RASGRF2: variants seen among roughly 807,000 people sequenced by gnomAD.
The protein encoded by RASGRF2 is Ras protein specific guanine nucleotide releasing factor 2.
Under a neutral mutation model 151.0 loss-of-function variants are expected in RASGRF2, and 76 were observed. That is an observed-to-expected ratio of 0.50 (90% CI 0.42 to 0.61). The LOEUF (loss-of-function observed/expected upper bound fraction) is 0.61. RASGRF2 is among the 20% of genes least tolerant of loss of function. The pLI, the probability that RASGRF2 is intolerant of heterozygous loss-of-function variation, is 0.00. For missense variants in RASGRF2, 1,148 were observed against 1,564.6 expected (o/e 0.73, Z 4.49); for synonymous variants, 504 against 566.5 (o/e 0.89, Z 1.57).
chr5:81,099,591 T>C (rs569969160), intron 12 of RASGRF2, among the ~76,000 whole-genome samples: 2 of 152,348 alleles, frequency 1.3e-5, no homozygotes, highest in East Asian at 3.9e-4. Flanking sequence ...ATGTAAGTTA[T>C]AATTTCACTA....
intron 17 of RASGRF2, among the ~76,000 whole-genome samples, chr5:81,172,704 C>T (rs999184676): frequency 2.0e-5 from 3 of 152,136 alleles, no homozygotes; most frequent in African/African-American, 7.2e-5. Context: ...CTTACCACCC[C>T]TTATCCCTAC....
At chr5:80,963,185 C>G (rs1382102555) in intron 1 of RASGRF2, among the ~76,000 whole-genome samples, 3 of 152,198 alleles carry the variant, frequency 2.0e-5, no homozygotes, top group African/African-American at 7.2e-5. Flanking sequence ...TACCTCTCAG[C>G]TAATTTATGT....
intron 1 of RASGRF2, among the ~76,000 whole-genome samples, chr5:81,021,568 G>A (rs1179338554): frequency 6.6e-6 from 1 of 152,124 alleles, no homozygotes; most frequent in African/African-American, 2.4e-5. Context: ...GCGTGTGTGT[G>A]TGTGTGTGTG....
At chr5:81,069,000 A>G (rs1230207508) in intron 3 of RASGRF2, among the ~76,000 whole-genome samples, 2 of 152,236 alleles carry the variant, frequency 1.3e-5, no homozygotes, top group African/African-American at 2.4e-5. Flanking sequence ...CTGAGATTCA[A>G]AGAAGGGAAT....
intron 1 of RASGRF2, among the ~76,000 whole-genome samples, chr5:80,979,424 C>G (rs554150694): frequency 1.3e-5 from 2 of 152,052 alleles, no homozygotes; most frequent in African/African-American, 4.8e-5. Flanking sequence ...TTAATGAGCT[C>G]CATATGAAGG....
intron 1 of RASGRF2, among the ~76,000 whole-genome samples, chr5:80,994,375 A>C (rs952374243): frequency 1.3e-5 from 2 of 151,444 alleles, no homozygotes; most frequent in Admixed American, 1.3e-4. Context: ...CAAAAAAAAA[A>C]AAAAAAAAGA....
chr5:81,042,552 C>T (rs923537425), intron 1 of RASGRF2, among the ~76,000 whole-genome samples: 3 of 152,180 alleles, frequency 2.0e-5, no homozygotes, highest in African/African-American at 7.2e-5. Context: ...AAAGGAAAAC[C>T]TTTTGGAAAA....
intron 23 of RASGRF2, among the ~76,000 whole-genome samples, chr5:81,215,181 G>C (rs530214627): frequency 6.6e-6 from 1 of 151,304 alleles, no homozygotes; most frequent in Admixed American, 6.6e-5. Context: ...TCTACTAAAA[G>C]TACAAAAGTT....
At position 81,116,923 on chromosome 5, in the gene RASGRF2, C is replaced by T. The variant is rs966218682; in HGVS notation, c.2470+3003C>T. Among the ~76,000 whole-genome samples, 4 of 152,196 alleles carry T rather than the reference C, an allele frequency of 2.6e-5. No individual in the cohort carries two copies. In the South Asian group the frequency reaches 6.2e-4, roughly 24 times the overall value. On this transcript the variant is annotated intron_variant, in intron 15 of 26. Coordinates refer to ENST00000265080, the MANE Select transcript of RASGRF2 (RefSeq NM_006909.3). ...ATGCAGTATGCAGATACTACATTTT[C>T]TTTATGCATTTATCCATCAATAGAC... is the stretch of plus-strand genomic sequence containing the variant.
chr5:81,200,290 G>A (rs922015495), intron 18 of RASGRF2, among the ~76,000 whole-genome samples: 1 of 148,630 alleles, frequency 6.7e-6, no homozygotes, highest in African/African-American at 2.5e-5. Context: ...AAAAAAAAAA[G>A]AAGAAGAATA....
At chr5:80,978,676 A>T (rs1205776088) in intron 1 of RASGRF2, among the ~76,000 whole-genome samples, 3 of 152,066 alleles carry the variant, frequency 2.0e-5, no homozygotes, top group Non-Finnish European at 4.4e-5. Flanking sequence ...AATCCCAGCT[A>T]CTCAGGAGGC....
At chr5:80,992,055 C>A (rs1748667595) in intron 1 of RASGRF2, among the ~76,000 whole-genome samples, 1 of 152,148 alleles carries the variant, frequency 6.6e-6, no homozygotes, top group South Asian at 2.1e-4. Context: ...TCTGTTCCCA[C>A]CCTCTCCTGG....
chr5:81,167,280 G>T (rs1754533902), intron 17 of RASGRF2, among the ~76,000 whole-genome samples: 2 of 152,138 alleles, frequency 1.3e-5, no homozygotes, highest in Non-Finnish European at 2.9e-5. Context: ...TTTATCCAAG[G>T]CCTGTTTTGT....
Position 81,155,873 on chromosome 5 carries a change from G to A in RASGRF2, c.2687-24302G>A, listed in dbSNP as rs76677642. 4.9e-4 allele frequency among the ~76,000 whole-genome samples: 75 copies of A among 152,182 alleles called. No homozygotes were observed. The East Asian group carries it at 0.011, about 23-fold the overall frequency. ...GATTAGGGAATTTGACTTAGGGCTC[G>A]GGCTAGTTTCTACATTTTAGCAACA... On this transcript the variant is annotated intron_variant, in intron 17 of 26. Coordinates refer to ENST00000265080, the MANE Select transcript of RASGRF2 (RefSeq NM_006909.3).
chr5:81,130,368 G>C (rs1393185232), intron 17 of RASGRF2, among the ~76,000 whole-genome samples: 1 of 152,216 alleles, frequency 6.6e-6, no homozygotes, highest in Non-Finnish European at 1.5e-5. Context: ...TGGCTCTGCT[G>C]TGAAGGCAGC....
intron 18 of RASGRF2, among the ~76,000 whole-genome samples, chr5:81,185,233 C>T (rs1307463977): frequency 6.6e-6 from 1 of 152,210 alleles, no homozygotes; most frequent in Non-Finnish European, 1.5e-5. Flanking sequence ...CTCCTTTTCA[C>T]TTCTAGCCAC....
intron 2 of RASGRF2, among the ~76,000 whole-genome samples, chr5:81,045,601 A>G (rs1750811263): frequency 6.6e-6 from 1 of 152,040 alleles, no homozygotes; most frequent in Admixed American, 6.5e-5. Flanking sequence ...TTGGTTAATA[A>G]TTGACTTTTT....
chr5:81,174,538 G>A (rs1754729413), intron 17 of RASGRF2, among the ~76,000 whole-genome samples: 1 of 152,220 alleles, frequency 6.6e-6, no homozygotes, highest in African/African-American at 2.4e-5. Flanking sequence ...CAGGCACAGT[G>A]ACAAGAGGAG....
At chr5:80,966,967 CAG>C (rs1180922303) in intron 1 of RASGRF2, among the ~76,000 whole-genome samples, 2 of 151,962 alleles carry the variant, frequency 1.3e-5, no homozygotes, top group South Asian at 2.1e-4. Context: ...AGAAATGAGA[CAG>C]AAAGTTGGGG....
Sources: allele counts gnomAD v4.1 joint callset (sites outside exome capture counted in the v4.1 genomes callset), GRCh38; gene constraint gnomAD v4.1.1; transcripts MANE v1.5; gene names NCBI Gene and HGNC (gene_info 2026-07-23, HGNC 2026-07-21).